Variants in PLPPR4 observed in about 807,000 individuals in gnomAD.
The protein encoded by PLPPR4 is phospholipid phosphatase related 4, also known as phospholipid phosphatase-related protein type 4.
Under a neutral mutation model 56.6 loss-of-function variants are expected in PLPPR4, and 24 were observed. The observed-to-expected ratio is 0.42, with a 90% CI of 0.31 to 0.60. The LOEUF is 0.60. Ranked by LOEUF, PLPPR4 falls within the 20% of genes least tolerant of loss-of-function variation. The pLI is 0.13. For missense variants in PLPPR4, 654 were observed against 885.8 expected (o/e 0.74, Z 3.32); for synonymous variants, 326 against 328.1 (o/e 0.99, Z 0.07).
intron 1 of PLPPR4, among the ~76,000 whole-genome samples, chr1:99,266,975 C>T (rs753206937): frequency 3.9e-5 from 6 of 152,090 alleles, no homozygotes; most frequent in Non-Finnish European, 7.3e-5. Context: ...AGAGTAATGA[C>T]ACTTTGCTTT....
chr1:99,306,624 A>T lies in PLPPR4; in HGVS notation c.1762A>T (p.Ile588Phe). Residue 588 changes from isoleucine (I) to phenylalanine (F), a missense_variant, in exon 7 of 7, where the codon ATC becomes TTC. Coordinates refer to ENST00000370185, the MANE Select transcript of PLPPR4 (RefSeq NM_014839.5). This position sits in a 1 kb window ranked among gnomAD's most constrained non-coding sequence, Gnocchi z 4.0. ...HPENNRPIIQ[I>F]PSTEGEGSGS... ...AGAGAACAACAGGCCCATCATACAG[A>T]TCCCGTCCACTGAAGGTGAAGGCAG... 6.2e-7 allele frequency: 1 copy of T among 1,614,076 alleles called. No individual in the cohort carries two copies. The highest frequency in any genetic ancestry group is 8.5e-7 in the Non-Finnish European group (1 of 1,180,018).
intron 1 of PLPPR4, among the ~76,000 whole-genome samples, chr1:99,278,474 G>A (rs1017524826): frequency 2.0e-5 from 3 of 152,100 alleles, no homozygotes; most frequent in Non-Finnish European, 4.4e-5. Flanking sequence ...AATGTCAGCT[G>A]TATGTTGTAA....
At chr1:99,278,928 G>C (rs1366195980) in intron 1 of PLPPR4, among the ~76,000 whole-genome samples, 6 of 152,244 alleles carry the variant, frequency 3.9e-5, no homozygotes, top group Non-Finnish European at 7.4e-5. Flanking sequence ...TCCAATTTAA[G>C]TTTCTTGATT....
Position 99,288,290 on chromosome 1 carries a change from A to G in PLPPR4, c.264+140A>G. 8 of 664,778 alleles carry G rather than the reference A, an allele frequency of 1.2e-5. 1 individual carries two copies. In the South Asian group the frequency reaches 1.4e-4, roughly 12 times the overall value. The allele number at this position is 664,778 out of a possible 1,614,324, so 41.2% of individuals were successfully genotyped here. On this transcript the variant is annotated intron_variant, in intron 2 of 6. Transcript: ENST00000370185. Reference sequence around the variant, plus strand: ...AGTCATGTCTTTGAGATATATTGACAGTATCATGTGGAAGTTAATAGCTTA... The same window carrying G: ...AGTCATGTCTTTGAGATATATTGACGGTATCATGTGGAAGTTAATAGCTTA...
At chr1:99,295,772 A>G (rs560770163) in intron 2 of PLPPR4, among the ~76,000 whole-genome samples, 1 of 152,302 alleles carries the variant, frequency 6.6e-6, no homozygotes, top group South Asian at 2.1e-4. Flanking sequence ...TGCAATTCTC[A>G]CCGTGCCAGG....
chr1:99,275,069 T>C (rs902983158), intron 1 of PLPPR4, among the ~76,000 whole-genome samples: 1 of 152,128 alleles, frequency 6.6e-6, no homozygotes, highest in Non-Finnish European at 1.5e-5. Context: ...TACTTATCCC[T>C]TGGGTGATGA....
chr1:99,269,104 T>C (rs1459920663), intron 1 of PLPPR4, among the ~76,000 whole-genome samples: 1 of 152,094 alleles, frequency 6.6e-6, no homozygotes, highest in Non-Finnish European at 1.5e-5. Flanking sequence ...GGCCCTGGTG[T>C]GTGATGTTCC....
chr1:99,284,480 G>T (rs1180222969), intron 1 of PLPPR4, among the ~76,000 whole-genome samples: 1 of 151,832 alleles, frequency 6.6e-6, no homozygotes, highest in African/African-American at 2.4e-5. Flanking sequence ...GTAGAGATGG[G>T]GTTTCACCAT....
chr1:99,307,239 T>C lies in PLPPR4; in HGVS notation c.*229T>C. ...AACGTGATGATATGAAGAGTTTTCT[T>C]AAGACCTGTCGTCAAACTTAAAAGG... is the stretch of plus-strand genomic sequence containing the variant. On this transcript the variant is annotated 3_prime_UTR_variant, in exon 7 of 7. Coordinates refer to ENST00000370185, the MANE Select transcript of PLPPR4 (RefSeq NM_014839.5). 1 of 495,944 alleles carries C rather than the reference T, an allele frequency of 2.0e-6. No individual in the cohort carries two copies. The allele number at this position is 495,944 out of a possible 1,614,324, so 30.7% of individuals were successfully genotyped here.
At chr1:99,301,319 G>A (rs861874) in intron 5 of PLPPR4, among the ~76,000 whole-genome samples, 67,767 of 151,104 alleles carry the variant, frequency 0.45, 15,372 homozygotes, top group East Asian at 0.62. Context: ...ACACACACAC[G>A]TACGCTACTT....
intron 2 of PLPPR4, among the ~76,000 whole-genome samples, chr1:99,289,548 T>C (rs1319799206): frequency 6.6e-6 from 1 of 152,082 alleles, no homozygotes; most frequent in Admixed American, 6.6e-5. Context: ...TGGAAGAAGC[T>C]GAGACTTTGA....
At chr1:99,289,152 A>G (rs1005753521) in intron 2 of PLPPR4, among the ~76,000 whole-genome samples, 4 of 152,162 alleles carry the variant, frequency 2.6e-5, no homozygotes, top group Non-Finnish European at 5.9e-5. Flanking sequence ...TTACTTCTAC[A>G]GTGAAAAACT....
chr1:99,301,658 T>G, intron 5 of PLPPR4, 66 bp from the exon 6 acceptor site: 1 of 1,161,698 alleles, frequency 8.6e-7, no homozygotes. Flanking sequence ...TTAACTTTTA[T>G]TTGATTATAA....
At chr1:99,264,373 G>T, upstream of PLPPR4, 1 of 1,233,210 alleles carries the variant, frequency 8.1e-7, no homozygotes, top group South Asian at 1.6e-5. Context: ...GCCAGACTAG[G>T]GGAGGAAGAG....
At chr1:99,287,115 A>C (rs866370403) in intron 1 of PLPPR4, among the ~76,000 whole-genome samples, 2 of 152,066 alleles carry the variant, frequency 1.3e-5, no homozygotes, top group African/African-American at 4.8e-5. Flanking sequence ...TTAAACTCCC[A>C]GTTATGAATG....
In PLPPR4 at chr1:99,308,669, T is replaced by A. The variant is rs889184849; in HGVS notation, c.*1659T>A. 16 of 152,594 alleles carry A rather than the reference T, an allele frequency of 1.0e-4. No homozygotes were observed. The highest frequency in any genetic ancestry group is 3.9e-4 in the African/African-American group (16 of 41,446). 9.5% of individuals were successfully genotyped at this position (152,594 alleles called of 1,614,324 possible). On this transcript the variant is annotated 3_prime_UTR_variant, in exon 7 of 7. Transcript: ENST00000370185. Reference sequence around the variant, plus strand: ...TATCACATCATTATCAATTTCCACATGAAAAAGGTGGAGCTTTCTAGAAAA... The same window carrying A: ...TATCACATCATTATCAATTTCCACAAGAAAAAGGTGGAGCTTTCTAGAAAA...
At chr1:99,299,263 T>A (rs367583366) in intron 4 of PLPPR4, 33 bp downstream of exon 4, 9 of 1,482,192 alleles carry the variant, frequency 6.1e-6, no homozygotes, top group Non-Finnish European at 7.5e-6. Flanking sequence ...CTCTGCATCA[T>A]TGTTTTCATT....
At chr1:99,298,835 T>A (rs1659809992) in intron 3 of PLPPR4, 200 bp from the exon 4 acceptor site, 1 of 656,454 alleles carries the variant, frequency 1.5e-6, no homozygotes, top group African/African-American at 1.8e-5. Context: ...AGTTACTACT[T>A]TGGAGATACT....
intron 4 of PLPPR4, among the ~76,000 whole-genome samples, chr1:99,300,609 G>A (rs975050944): frequency 6.6e-6 from 1 of 152,014 alleles, no homozygotes; most frequent in Non-Finnish European, 1.5e-5. Flanking sequence ...GAACAATGAT[G>A]TTTTCCAATC....
Sources: gnomAD v4.1 joint callset for allele counts (sites outside exome capture counted in the v4.1 genomes callset) on GRCh38, gnomAD v4.1.1 for gene constraint, Gnocchi (gnomAD v3.1) non-coding constraint, MANE v1.5 for transcripts, NCBI Gene and HGNC (gene_info 2026-07-23, HGNC 2026-07-21) for gene names.